STX8: variants seen among roughly 807,000 people sequenced by gnomAD.
The protein encoded by STX8 is syntaxin-8.
STX8 carries 23 observed loss-of-function variants against 37.5 expected under a neutral mutation model. The observed-to-expected ratio is 0.61, with a 90% confidence interval of 0.44 to 0.87. The LOEUF (loss-of-function observed/expected upper bound fraction) is 0.87, where lower values mean the gene tolerates loss of function less well. Ranked by LOEUF, STX8 falls within the 40% of genes least tolerant of loss-of-function variation. The pLI, the probability that STX8 is intolerant of heterozygous loss-of-function variation, is 0.00. For missense variants in STX8, 313 were observed against 284.7 expected, an observed-to-expected ratio of 1.10 and a Z score of -0.71; for synonymous variants, 115 against 99.1, an observed-to-expected ratio of 1.16 and a Z score of -0.95.
intron 7 of STX8, among the ~76,000 whole-genome samples, chr17:9,257,297 C>T (rs1906836064): frequency 6.6e-6 from 1 of 152,192 alleles, no homozygotes; most frequent in African/African-American, 2.4e-5. Flanking sequence ...ATATTAAACA[C>T]AGTCTCTCAG....
intron 3 of STX8, chr17:9,556,772 T>TATATATATATATACATAC (rs1906988686): frequency 1.2e-5 from 1 of 82,944 alleles, no homozygotes; most frequent in Non-Finnish European, 2.4e-5. Flanking sequence ...TATATATATA[T>TATATATATATATACATAC]ATATATATAT....
At chr17:9,332,952 C>T (rs533777050) in intron 7 of STX8, among the ~76,000 whole-genome samples, 3 of 152,334 alleles carry the variant, frequency 2.0e-5, no homozygotes, top group East Asian at 1.9e-4. Flanking sequence ...TCAGCTGCCA[C>T]GCCCAAGGGC....
chr17:9,330,737 G>C (rs1356572374), intron 7 of STX8, among the ~76,000 whole-genome samples: 1 of 152,208 alleles, frequency 6.6e-6, no homozygotes. Context: ...ACACAAAGGC[G>C]GTATGGCTTG....
intron 7 of STX8, among the ~76,000 whole-genome samples, chr17:9,366,325 G>A (rs777193812): frequency 9.2e-5 from 14 of 152,142 alleles, no homozygotes; most frequent in African/African-American, 3.1e-4. Flanking sequence ...TCCGCCTCCC[G>A]GGTTCAAGTG....
At chr17:9,301,640 G>A (rs1424259167) in intron 7 of STX8, among the ~76,000 whole-genome samples, 1 of 147,524 alleles carries the variant, frequency 6.8e-6, no homozygotes, top group African/African-American at 2.6e-5. Flanking sequence ...CTGCCACTAT[G>A]TCCGGCCATT....
At chr17:9,526,626 C>T (rs1178221679) in intron 4 of STX8, among the ~76,000 whole-genome samples, 1 of 152,106 alleles carries the variant, frequency 6.6e-6, no homozygotes. Flanking sequence ...AATCCCAGCA[C>T]TTTGGGGGGC....
chr17:9,396,714 GAA>G (rs368111268), intron 6 of STX8, among the ~76,000 whole-genome samples: 23 of 121,348 alleles, frequency 1.9e-4, no homozygotes, highest in Non-Finnish European at 2.8e-4. Flanking sequence ...AACACCATCT[GAA>G]AAAAAAAAAA....
intron 4 of STX8, chr17:9,540,911 C>G (rs1906253131): frequency 6.6e-6 from 1 of 152,184 alleles, no homozygotes; most frequent in Admixed American, 6.5e-5. Context: ...GACAGTGTCT[C>G]CCCAGTATGA....
intron 5 of STX8, among the ~76,000 whole-genome samples, chr17:9,501,430 T>A (rs1433681877): frequency 6.6e-6 from 1 of 151,828 alleles, no homozygotes. Context: ...GCAGCTCACA[T>A]CTGTAATCCC....
chr17:9,549,779 C>T (rs1906688905), intron 3 of STX8, among the ~76,000 whole-genome samples: 1 of 152,182 alleles, frequency 6.6e-6, no homozygotes, highest in African/African-American at 2.4e-5. Context: ...GCATAGCACC[C>T]TTGCTATGTA....
chr17:9,563,149 A>G (rs910790545), intron 2 of STX8, among the ~76,000 whole-genome samples: 2 of 147,420 alleles, frequency 1.4e-5, no homozygotes, highest in African/African-American at 5.0e-5. Context: ...TCATTCATTC[A>G]TCCATTTATT....
In STX8 at chr17:9,376,082, G is replaced by A. The variant is rs531856108; in HGVS notation, c.643+2470C>T. On this transcript the variant is annotated intron_variant, in intron 7 of 7. Coordinates refer to ENST00000306357, the MANE Select transcript of STX8 (RefSeq NM_004853.3). ...CTTATAATTAGGAAACTGAGGCCCA[G>A]ATTAAGAGAGAGGTGGAAGTGAACT... Among the ~76,000 whole-genome samples, 92 of 152,318 alleles carry A rather than the reference G, an allele frequency of 6.0e-4. 1 individual carries two copies. In the South Asian group the frequency reaches 0.018, roughly 30 times the overall value.
intron 7 of STX8, among the ~76,000 whole-genome samples, chr17:9,281,674 C>A (rs966960830): frequency 5.9e-5 from 9 of 152,226 alleles, no homozygotes; most frequent in African/African-American, 2.2e-4. Context: ...TGGCTCACGC[C>A]TGTAATCCCA....
In STX8 at chr17:9,345,848, C is replaced by CTTTTTTTTTTTTTTTTTTTTTTTT. The variant is rs545020159; in HGVS notation, c.643+32703_643+32704insAAAAAAAAAAAAAAAAAAAAAAAA. 5.8e-5 allele frequency among the ~76,000 whole-genome samples: 3 copies of CTTTTTTTTTTTTTTTTTTTTTTTT among 52,078 alleles called. 1 individual carries two copies. Among genetic ancestry groups the CTTTTTTTTTTTTTTTTTTTTTTTT allele is most frequent in the Non-Finnish European group, 3.4e-5 (1 of 29,120 alleles). The allele number at this position is 52,078 out of a possible 152,430, so 34.2% of individuals were successfully genotyped here. A position where few individuals can be genotyped will look rare whatever the true frequency, so the allele number is the denominator to read the frequency against. ...CATTATACCTCCGGGTTATGCATTC[C>CTTTTTTTTTTTTTTTTTTTTTTTT]TTTTTTTTTTTTTTTTTTTTGAGAT... On this transcript the variant is annotated intron_variant, in intron 7 of 7. Transcript: ENST00000306357.
intron 6 of STX8, among the ~76,000 whole-genome samples, chr17:9,435,097 T>G (rs1228646800): frequency 6.6e-6 from 1 of 152,206 alleles, no homozygotes; most frequent in Non-Finnish European, 1.5e-5. Flanking sequence ...AAACAAGTCC[T>G]GCTGATCTCC....
chr17:9,342,474 T>G lies in STX8; in HGVS notation c.643+36078A>C, dbSNP rs1286169578. On this transcript the variant is annotated intron_variant, in intron 7 of 7. Transcript: ENST00000306357. ...AGAGCCCTAAGCGTGCAAGACATGC[T>G]ATGGCCTGAGGGGCAGTAGGCACTG... 4.6e-5 allele frequency among the ~76,000 whole-genome samples: 7 copies of G among 152,224 alleles called. No homozygotes were observed. In the East Asian group the frequency reaches 7.7e-4, roughly 17 times the overall value.
At chr17:9,398,487 A>G (rs555516387) in intron 6 of STX8, among the ~76,000 whole-genome samples, 3 of 152,370 alleles carry the variant, frequency 2.0e-5, no homozygotes, top group East Asian at 3.8e-4. Context: ...GAGATGGAGC[A>G]ACTAAATATA....
intron 5 of STX8, 108 bp downstream of exon 5, chr17:9,504,930 C>G: frequency 8.5e-7 from 1 of 1,178,928 alleles, no homozygotes; most frequent in Non-Finnish European, 1.1e-6. Context: ...GCCAAGATCA[C>G]GCCACTGCAC....
intron 5 of STX8, among the ~76,000 whole-genome samples, chr17:9,501,093 T>C (rs7223691): frequency 0.71 from 108,106 of 151,622 alleles, 38,780 homozygotes; most frequent in Middle Eastern, 0.85. Context: ...CTAAAAGGCA[T>C]TGCTGAGAGA....
Sources: gnomAD v4.1 joint callset for allele counts (sites outside exome capture counted in the v4.1 genomes callset) on GRCh38, gnomAD v4.1.1 for gene constraint, MANE v1.5 for transcripts, NCBI Gene and HGNC (gene_info 2026-07-23, HGNC 2026-07-21) for gene names.